Variants in ST3GAL2 observed in about 807,000 individuals in gnomAD.
The protein encoded by ST3GAL2 is ST3 beta-galactoside alpha-2,3-sialyltransferase 2, also known as CMP-N-acetylneuraminate-beta-galactosamide-alpha-2,3-sialyltransferase 2.
Under a neutral mutation model 37.5 loss-of-function variants are expected in ST3GAL2, and 16 were observed. The ratio of observed to expected loss-of-function variants is 0.43; its 90% CI spans 0.29 to 0.65. ST3GAL2 has a LOEUF of 0.65. Ranked by LOEUF, ST3GAL2 falls within the 30% of genes least tolerant of loss-of-function variation. The probability of loss-of-function intolerance (pLI) is 0.17; values close to 1 mark genes in which losing one functional copy is unlikely to be tolerated. For missense variants in ST3GAL2, 383 were observed against 487.8 expected (o/e 0.79, Z 2.02); for synonymous variants, 238 against 202.9 (o/e 1.17, Z -1.47).
chr16:70,405,030 T>G (rs1216837786), intron 1 of ST3GAL2, among the ~76,000 whole-genome samples: 1 of 124,266 alleles, frequency 8.0e-6, no homozygotes, highest in Non-Finnish European at 1.6e-5. Context: ...AGACTCCATC[T>G]CAAAAAAAAA....
chr16:70,387,463 G>A (rs1318142452), intron 4 of ST3GAL2, among the ~76,000 whole-genome samples: 7 of 151,986 alleles, frequency 4.6e-5, no homozygotes, highest in South Asian at 4.1e-4. Context: ...GCTGAGGCAC[G>A]AGAATCTCTT....
chr16:70,395,188 G>A lies in ST3GAL2; in HGVS notation c.340-13C>T, dbSNP rs778893391. ...GGGGCTGCAGCATCTGTGGAAGGGA[G>A]GGGAAGATGGGAAACGAGGAAGGGG... On this transcript the variant is annotated splice_polypyrimidine_tract_variant and intron_variant, in intron 2 of 6. Transcript: ENST00000342907. 3 of 1,588,680 alleles carry A rather than the reference G, an allele frequency of 1.9e-6. No individual in the cohort carries two copies. Among genetic ancestry groups the A allele is most frequent in the South Asian group, 2.2e-5 (2 of 89,010 alleles).
At chr16:70,434,905 C>G (rs1400438692) in intron 1 of ST3GAL2, among the ~76,000 whole-genome samples, 1 of 152,214 alleles carries the variant, frequency 6.6e-6, no homozygotes, top group African/African-American at 2.4e-5. Flanking sequence ...ACCTGTAAAA[C>G]AACAGTTGGA....
At chr16:70,401,448 C>T (rs184844697) in intron 1 of ST3GAL2, among the ~76,000 whole-genome samples, 4 of 152,244 alleles carry the variant, frequency 2.6e-5, no homozygotes, top group Admixed American at 2.6e-4. Flanking sequence ...TTGGGAACCC[C>T]AGGTCCAGGT....
At chr16:70,419,412 G>T (rs532853971) in intron 1 of ST3GAL2, among the ~76,000 whole-genome samples, 1 of 152,294 alleles carries the variant, frequency 6.6e-6, no homozygotes, top group South Asian at 2.1e-4. Context: ...AAATCCATAA[G>T]ACAGGGGCCC....
intron 1 of ST3GAL2, among the ~76,000 whole-genome samples, chr16:70,404,154 A>G (rs1300460107): frequency 6.6e-6 from 1 of 152,116 alleles, no homozygotes; most frequent in African/African-American, 2.4e-5. Flanking sequence ...AGAAGAAAAG[A>G]TCTAGGGAGG....
chr16:70,404,756 C>T (rs972046693), intron 1 of ST3GAL2, among the ~76,000 whole-genome samples: 8 of 152,096 alleles, frequency 5.3e-5, no homozygotes, highest in Non-Finnish European at 7.4e-5. Flanking sequence ...TACACATGGC[C>T]GGGCACGGTG....
In ST3GAL2 at chr16:70,381,093, C is replaced by T. The variant is rs547420854; in HGVS notation, c.*596G>A. ...CGCAGAGGGCGCCACTCCCGGCTTC[C>T]TGGAGACGCAGGAAGCCCTGGGGGC... On this transcript the variant is annotated 3_prime_UTR_variant, in exon 7 of 7. Coordinates refer to ENST00000342907, the MANE Select transcript of ST3GAL2 (RefSeq NM_006927.4). The T allele has an allele frequency of 1.1e-4, 17 of 152,710 alleles. No individual in the cohort carries two copies. Among genetic ancestry groups the T allele is most frequent in the Admixed American group, 7.8e-4 (12 of 15,316 alleles). The allele number at this position is 152,710 out of a possible 1,614,324, so 9.5% of individuals were successfully genotyped here.
intron 1 of ST3GAL2, among the ~76,000 whole-genome samples, chr16:70,413,748 TAATAAATAAATA>T (rs56300235): frequency 0.11 from 15,444 of 145,368 alleles, 1,053 homozygotes; most frequent in South Asian, 0.2. Context: ...AAAAAGAAAA[TAATAAATAAATA>T]AATAAATAAA....
Position 70,380,458 on chromosome 16 carries a change from A to T in ST3GAL2, c.*1231T>A, listed in dbSNP as rs1160759663. ...ACCTCCCCAGCTTCGAAGGGGGAGA[A>T]TTCCACCAGCAGCCCCGTCAGGGAC... On this transcript the variant is annotated 3_prime_UTR_variant, in exon 7 of 7. Transcript: ENST00000342907. 1 of 152,294 alleles carries T rather than the reference A, an allele frequency of 6.6e-6. No individual in the cohort carries two copies. Among genetic ancestry groups the T allele is most frequent in the African/African-American group, 2.4e-5 (1 of 41,454 alleles). 9.4% of individuals were successfully genotyped at this position (152,294 alleles called of 1,614,324 possible). A position where few individuals can be genotyped will look rare whatever the true frequency, so the allele number is the denominator to read the frequency against.
rs375582877 is a variant in ST3GAL2, at chr16:70,432,943, CAT to C, written c.-1004+6004_-1004+6005del. The stretch of plus-strand genomic sequence containing the variant: ...CAGAGAGCCCCAGCTGTGTCCACCA[CAT>C]AGAGAGCCTCTGGGGCTCGGCGGCC... On this transcript the variant is annotated intron_variant, in intron 1 of 6. Coordinates refer to ENST00000342907, the MANE Select transcript of ST3GAL2 (RefSeq NM_006927.4). Among the ~76,000 whole-genome samples, 167 of 152,374 alleles carry C rather than the reference CAT, an allele frequency of 1.1e-3. 1 individual carries two copies. Among genetic ancestry groups the C allele is most frequent in the African/African-American group, 3.6e-3 (149 of 41,602 alleles).
rs747405868 is a variant in ST3GAL2 at position 70,398,343 on chromosome 16, T to C, written c.188A>G (p.Glu63Gly). 6 of 1,613,516 alleles carry C rather than the reference T, an allele frequency of 3.7e-6. No individual in the cohort carries two copies. In the East Asian group the frequency reaches 1.1e-4, roughly 30 times the overall value. The change falls in exon 2 of 7, where the codon GAG becomes GGG. Residue 63 changes from glutamate (E) to glycine (G), a missense_variant. Transcript: ENST00000342907. Reference sequence around the variant, plus strand: ...GGCACAGCTCTTGCCCGAGAGCCTCTCCTTGCTGAGGCGCTGCAGGCCGGC... The same window carrying C: ...GGCACAGCTCTTGCCCGAGAGCCTCCCCTTGCTGAGGCGCTGCAGGCCGGC... ...GYAGLQRLSK[E>G]RLSGKSCACR...
At chr16:70,426,065 T>C (rs1185825343) in intron 1 of ST3GAL2, among the ~76,000 whole-genome samples, 2 of 152,096 alleles carry the variant, frequency 1.3e-5, no homozygotes, top group African/African-American at 4.8e-5. Context: ...TAGCCATACC[T>C]TGAACCAGCT....
chr16:70,392,365 C>T (rs1440025343), intron 3 of ST3GAL2, among the ~76,000 whole-genome samples: 13 of 152,312 alleles, frequency 8.5e-5, no homozygotes, highest in East Asian at 3.9e-4. Context: ...CTCTGGCACT[C>T]GGGAACACAG....
rs539661426 is a variant in ST3GAL2, at chr16:70,386,378, G to A, written c.713+1989C>T. ...AATTTTTTTTTATTATTTTTTAGTA[G>A]AGATGGGGTTTCACGGTGTTAGCCA... On this transcript the variant is annotated intron_variant, in intron 4 of 6. Coordinates refer to ENST00000342907, the MANE Select transcript of ST3GAL2 (RefSeq NM_006927.4). Among the ~76,000 whole-genome samples, 6 of 152,138 alleles carry A rather than the reference G, an allele frequency of 3.9e-5. No individual in the cohort carries two copies. In the South Asian group the frequency reaches 8.3e-4, roughly 21 times the overall value.
intron 1 of ST3GAL2, among the ~76,000 whole-genome samples, chr16:70,405,707 C>T (rs530294570): frequency 6.6e-6 from 1 of 152,036 alleles, no homozygotes; most frequent in Non-Finnish European, 1.5e-5. Context: ...GAATGACTGC[C>T]AGTGGGTTGG....
chr16:70,429,638 CTT>C (rs1027728995), intron 1 of ST3GAL2, among the ~76,000 whole-genome samples: 120 of 89,972 alleles, frequency 1.3e-3, no homozygotes, highest in African/African-American at 4.8e-3. Context: ...GCTTTAAATT[CTT>C]TTTTTTTTTT....
intron 1 of ST3GAL2, chr16:70,422,898 G>C (rs2047724925): frequency 6.6e-6 from 1 of 152,262 alleles, no homozygotes; most frequent in African/African-American, 2.4e-5. Context: ...AACTGGAAGT[G>C]ACAGAGAACT....
chr16:70,411,284 C>G (rs1023275030), intron 1 of ST3GAL2, among the ~76,000 whole-genome samples: 1 of 151,618 alleles, frequency 6.6e-6, no homozygotes, highest in Non-Finnish European at 1.5e-5. Flanking sequence ...ACTCAGGAGG[C>G]TAAGGCACAA....
Sources: gnomAD v4.1 joint callset for allele counts (sites outside exome capture counted in the v4.1 genomes callset) on GRCh38, gnomAD v4.1.1 for gene constraint, MANE v1.5 for transcripts, NCBI Gene and HGNC (gene_info 2026-07-23, HGNC 2026-07-21) for gene names.